Variants in NRXN3 observed in about 807,000 individuals in gnomAD.
NRXN3 encodes neurexin 3, also known as neurexin III.
In NRXN3, 32 loss-of-function variants were observed where a neutral mutation model predicts 137.6. That is an observed-to-expected ratio of 0.23 (90% CI 0.18 to 0.31). The LOEUF (loss-of-function observed/expected upper bound fraction) is 0.31. NRXN3 is among the 10% of genes least tolerant of loss of function. NRXN3 has a pLI of 1.00. For missense variants in NRXN3, 1,574 were observed against 2,062.5 expected (o/e 0.76, Z 4.59); for synonymous variants, 798 against 784.5 (o/e 1.02, Z -0.29).
chr14:79,140,573 CTGTGTGTGTGTGTGTGTGTG>C (rs3035591), intron 15 of NRXN3, among the ~76,000 whole-genome samples: 1 of 143,834 alleles, frequency 7.0e-6, no homozygotes, highest in Non-Finnish European at 1.5e-5. Flanking sequence ...CCCCACCTCA[CTGTGTGTGTGTGTGTGTGTG>C]TGTGTGTGTG....
At chr14:78,470,301 T>C (rs940342914) in intron 4 of NRXN3, among the ~76,000 whole-genome samples, 17 of 152,204 alleles carry the variant, frequency 1.1e-4, no homozygotes, top group Non-Finnish European at 1.5e-4. Context: ...ACCCCAGTTC[T>C]CTGAGGATGG....
chr14:79,785,780 G>A (rs1345802306), intron 19 of NRXN3, among the ~76,000 whole-genome samples: 1 of 152,042 alleles, frequency 6.6e-6, no homozygotes, highest in African/African-American at 2.4e-5. Context: ...GCATAGTTGG[G>A]ACTACCCTTT....
chr14:78,448,716 G>A (rs1390599214), intron 4 of NRXN3, among the ~76,000 whole-genome samples: 1 of 152,216 alleles, frequency 6.6e-6, no homozygotes, highest in East Asian at 1.9e-4. Flanking sequence ...GATCCCCAAA[G>A]TTGGTGTGGG....
At chr14:79,645,396 A>G (rs1410084289) in intron 16 of NRXN3, among the ~76,000 whole-genome samples, 1 of 134,118 alleles carries the variant, frequency 7.5e-6, no homozygotes, top group Non-Finnish European at 1.7e-5. Flanking sequence ...TAGGTAGATC[A>G]CCTGAGGTCA....
intron 15 of NRXN3, among the ~76,000 whole-genome samples, chr14:79,138,441 G>A (rs748074406): frequency 5.3e-5 from 8 of 152,196 alleles, no homozygotes; most frequent in Non-Finnish European, 7.3e-5. Flanking sequence ...AGGTGTTATT[G>A]CATATTTTTA....
chr14:78,724,262 A>G (rs2098473139), intron 8 of NRXN3, among the ~76,000 whole-genome samples: 1 of 152,238 alleles, frequency 6.6e-6, no homozygotes, highest in Non-Finnish European at 1.5e-5. Context: ...GTTTTCCTCT[A>G]GCTTCTGAGA....
At chr14:78,260,026 G>T (rs139929423) in intron 2 of NRXN3, among the ~76,000 whole-genome samples, 1 of 152,116 alleles carries the variant, frequency 6.6e-6, no homozygotes. Context: ...AAATTCTCTC[G>T]CTGAAACTCG....
chr14:79,323,933 T>C (rs540753112), intron 15 of NRXN3, among the ~76,000 whole-genome samples: 5 of 152,200 alleles, frequency 3.3e-5, no homozygotes, highest in Non-Finnish European at 5.9e-5. Context: ...CATATGGAGG[T>C]GTTTTTTTCC....
chr14:79,209,676 G>T (rs1183670622), intron 15 of NRXN3, among the ~76,000 whole-genome samples: 1 of 151,958 alleles, frequency 6.6e-6, no homozygotes, highest in Non-Finnish European at 1.5e-5. Flanking sequence ...CCATTATAAC[G>T]TATGCTTCTG....
intron 15 of NRXN3, among the ~76,000 whole-genome samples, chr14:79,221,956 C>T (rs1252117054): frequency 1.3e-5 from 2 of 152,132 alleles, no homozygotes; most frequent in African/African-American, 4.8e-5. Flanking sequence ...GGTCCAGTTT[C>T]AGTTTTCTGC....
At chr14:79,437,277 A>C (rs2095859959) in intron 15 of NRXN3, among the ~76,000 whole-genome samples, 3 of 152,254 alleles carry the variant, frequency 2.0e-5, no homozygotes, top group Non-Finnish European at 4.4e-5. Context: ...TTTTGGATAA[A>C]TAGTGACACT....
At chr14:78,845,371 G>A (rs73319786) in intron 10 of NRXN3, among the ~76,000 whole-genome samples, 18,337 of 151,990 alleles carry the variant, frequency 0.12, 1,640 homozygotes, top group East Asian at 0.25. Flanking sequence ...GAATAACAAC[G>A]TAATTTAAGG....
In NRXN3 at chr14:79,302,424, GGGCAGGTACGTCACAT is replaced by G. The variant is rs1327997656; in HGVS notation, c.3263-164792_3263-164777del. The stretch of plus-strand genomic sequence containing the variant: ...TTACTCATGGTGGAAGGTAAAGAAA[GGGCAGGTACGTCACAT>G]GGCAAGAGAGGAAGCAAGAGAGATA... On this transcript the variant is annotated intron_variant, in intron 15 of 20. Transcript: ENST00000335750. Among the ~76,000 whole-genome samples, 14 of 152,074 alleles carry G rather than the reference GGGCAGGTACGTCACAT, an allele frequency of 9.2e-5. No homozygotes were observed. In the East Asian group the frequency reaches 1.6e-3, roughly 17 times the overall value.
At chr14:79,402,188 G>T (rs1382789347) in intron 15 of NRXN3, among the ~76,000 whole-genome samples, 1 of 152,036 alleles carries the variant, frequency 6.6e-6, no homozygotes, top group East Asian at 1.9e-4. Context: ...CTCCCACCTT[G>T]GCCTCCCAAA....
intron 6 of NRXN3, among the ~76,000 whole-genome samples, chr14:78,706,982 G>C (rs1217969317): frequency 1.3e-5 from 2 of 152,098 alleles, no homozygotes; most frequent in Non-Finnish European, 2.9e-5. Context: ...GACAGATGAG[G>C]CTTATTTTAG....
intron 16 of NRXN3, among the ~76,000 whole-genome samples, chr14:79,544,627 C>G (rs1051268907): frequency 1.3e-5 from 2 of 151,576 alleles, no homozygotes; most frequent in Non-Finnish European, 2.9e-5. Flanking sequence ...TCCTAAGACA[C>G]TGGTTCTAAA....
chr14:79,444,120 A>C (rs1245837476), intron 15 of NRXN3, among the ~76,000 whole-genome samples: 2 of 152,222 alleles, frequency 1.3e-5, no homozygotes. Flanking sequence ...GACCTGAATC[A>C]ATACATTGCA....
intron 6 of NRXN3, among the ~76,000 whole-genome samples, chr14:78,681,221 TG>T (rs1293683436): frequency 6.6e-6 from 1 of 152,246 alleles, no homozygotes; most frequent in African/African-American, 2.4e-5. Context: ...GGATTGTTTT[TG>T]AACACTGGAA....
At chr14:78,608,107 G>A (rs770624764) in intron 4 of NRXN3, among the ~76,000 whole-genome samples, 24 of 152,202 alleles carry the variant, frequency 1.6e-4, no homozygotes, top group Non-Finnish European at 2.6e-4. Flanking sequence ...GAAAACCAGA[G>A]ACATGAAACA....
Sources: allele counts gnomAD v4.1 joint callset (sites outside exome capture counted in the v4.1 genomes callset), GRCh38; gene constraint gnomAD v4.1.1; transcripts MANE v1.5; gene names NCBI Gene and HGNC (gene_info 2026-07-23, HGNC 2026-07-21).